FAM76A: variants seen among roughly 807,000 people sequenced by gnomAD.
The protein encoded by FAM76A is protein FAM76A.
FAM76A carries 32 observed loss-of-function variants against 46.2 expected under a neutral mutation model. The observed-to-expected ratio is 0.69, with a 90% confidence interval of 0.52 to 0.93. FAM76A has a LOEUF of 0.93. Ranked by LOEUF, FAM76A falls within the 40% of genes least tolerant of loss-of-function variation. The pLI is 0.00. For synonymous variants in FAM76A, 137 were observed against 127.0 expected (o/e 1.08, Z -0.53); for missense variants, 274 against 361.5 (o/e 0.76, Z 1.96).
intron 4 of FAM76A, chr1:27,739,848 A>G (rs1386103716): frequency 1.1e-5 from 2 of 180,370 alleles, no homozygotes; most frequent in Non-Finnish European, 2.3e-5. Context: ...GTTAAAAAAA[A>G]TAGGCTATGG....
At chr1:27,737,695 T>C (rs1363645731) in intron 4 of FAM76A, among the ~76,000 whole-genome samples, 1 of 151,538 alleles carries the variant, frequency 6.6e-6, no homozygotes, top group Non-Finnish European at 1.5e-5. Context: ...CTACAAAAAA[T>C]ACAAAAATTA....
At chr1:27,729,586 A>C (rs954255720) in intron 2 of FAM76A, among the ~76,000 whole-genome samples, 1 of 152,088 alleles carries the variant, frequency 6.6e-6, no homozygotes, top group Non-Finnish European at 1.5e-5. Context: ...CTTAAATTCT[A>C]TCATATACAC....
At chr1:27,731,265 G>A (rs566050933) in intron 2 of FAM76A, among the ~76,000 whole-genome samples, 6 of 145,086 alleles carry the variant, frequency 4.1e-5, no homozygotes, top group Non-Finnish European at 8.9e-5. Flanking sequence ...GTGCAATGGC[G>A]CAATCTTGGC....
chr1:27,762,194 C>T lies in FAM76A; in HGVS notation c.*1613C>T, dbSNP rs531000445. On this transcript the variant is annotated 3_prime_UTR_variant, in exon 9 of 9. Coordinates refer to ENST00000373954, the MANE Select transcript of FAM76A (RefSeq NM_152660.3). Reference sequence around the variant, plus strand: ...CCAGAGTTATGTATGCCCTGCCTATCTTCCCTTCTTAACCCTGTAGGAATA... The same window carrying T: ...CCAGAGTTATGTATGCCCTGCCTATTTTCCCTTCTTAACCCTGTAGGAATA... 2.6e-5 allele frequency: 4 copies of T among 152,266 alleles called. No homozygotes were observed. Among genetic ancestry groups the T allele is most frequent in the Admixed American group, 1.3e-4 (2 of 15,282 alleles). The allele number at this position is 152,266 out of a possible 1,614,324, so 9.4% of individuals were successfully genotyped here.
chr1:27,756,133 G>T (rs1028205193), intron 7 of FAM76A, among the ~76,000 whole-genome samples: 1 of 152,154 alleles, frequency 6.6e-6, no homozygotes, highest in Non-Finnish European at 1.5e-5. Context: ...GGCCATGTCT[G>T]TGGGACAATA....
chr1:27,758,787 G>A (rs1193466763), intron 7 of FAM76A, among the ~76,000 whole-genome samples: 3 of 151,354 alleles, frequency 2.0e-5, no homozygotes, highest in Non-Finnish European at 4.4e-5. Flanking sequence ...CAAAGTGCTG[G>A]GATTACAGGC....
At chr1:27,758,679 G>GT (rs35065746) in intron 7 of FAM76A, among the ~76,000 whole-genome samples, 6,985 of 111,246 alleles carry the variant, frequency 0.063, 513 homozygotes, top group African/African-American at 0.15. Flanking sequence ...TTTAATTTTC[G>GT]TTTTTTTTTT....
chr1:27,749,934 C>G (rs1317279226), intron 6 of FAM76A, among the ~76,000 whole-genome samples: 1 of 152,160 alleles, frequency 6.6e-6, no homozygotes, highest in East Asian at 1.9e-4. Context: ...TTTCCTCTCC[C>G]CTCCTCAGTG....
At chr1:27,740,581 A>G (rs1469697242) in intron 4 of FAM76A, 2 of 953,680 alleles carry the variant, frequency 2.1e-6, no homozygotes, top group Non-Finnish European at 3.3e-6. Context: ...TTGACTTGTT[A>G]AGAAATATAT....
intron 4 of FAM76A, chr1:27,739,151 CA>C: frequency 5.4e-6 from 2 of 368,130 alleles, no homozygotes; most frequent in Non-Finnish European, 1.1e-5. Context: ...GCCACAATGA[CA>C]AGACCATTTT....
intron 5 of FAM76A, 70 bp downstream of exon 5, chr1:27,744,881 A>G (rs542608745): frequency 4.3e-4 from 630 of 1,455,452 alleles, no homozygotes; most frequent in Non-Finnish European, 5.4e-4. Context: ...CATAACCATC[A>G]TGGTACATAC....
At chr1:27,756,116 T>G (rs1185664299) in intron 7 of FAM76A, among the ~76,000 whole-genome samples, 1 of 152,146 alleles carries the variant, frequency 6.6e-6, no homozygotes, top group Non-Finnish European at 1.5e-5. Context: ...TCTCTTCTCA[T>G]GGGGATGGCC....
intron 7 of FAM76A, 56 bp downstream of exon 7, chr1:27,755,386 T>C: frequency 6.3e-7 from 1 of 1,598,872 alleles, no homozygotes; most frequent in Non-Finnish European, 8.6e-7. Context: ...AGATATGTGG[T>C]ATGGGACATG....
chr1:27,726,100 G>A lies in FAM76A; in HGVS notation c.20G>A (p.Cys7Tyr). The change falls in exon 1 of 9, where the codon TGC becomes TAC. Residue 7 changes from cysteine (C) to tyrosine (Y), a missense_variant. By Grantham distance (194) the Cys-to-Tyr change is radical. Transcript: ENST00000373954. ...CCGGACATGGCGGCGCTCTACGCCT[G>A]CACCAAGTGCCACCAGCGCTTCCCC... MAALYA[C>Y]TKCHQRFPFE... 2 of 1,294,194 alleles carry A rather than the reference G, an allele frequency of 1.5e-6. No individual in the cohort carries two copies. Among genetic ancestry groups the A allele is most frequent in the East Asian group, 3.1e-5 (1 of 31,920 alleles). 80.2% of individuals were successfully genotyped at this position (1,294,194 alleles called of 1,614,324 possible).
At chr1:27,740,542 TATG>T (rs2088133822) in intron 4 of FAM76A, 9 of 1,276,062 alleles carry the variant, frequency 7.1e-6, no homozygotes, top group Non-Finnish European at 1.0e-5. Flanking sequence ...GAAGCGTTGT[TATG>T]AGGAGTGAGG....
intron 2 of FAM76A, 26 bp from the exon 3 acceptor site, chr1:27,732,577 G>A: frequency 1.3e-6 from 2 of 1,595,564 alleles, no homozygotes; most frequent in Non-Finnish European, 8.6e-7. Context: ...TCTAAGAAAA[G>A]CCTGTGTCTC....
At chr1:27,758,512 A>AT (rs1223112115) in intron 7 of FAM76A, among the ~76,000 whole-genome samples, 1 of 151,554 alleles carries the variant, frequency 6.6e-6, no homozygotes, top group Non-Finnish European at 1.5e-5. Context: ...TATTATTTTT[A>AT]TTTTTTTGAG....
chr1:27,733,844 A>G (rs2087998972), intron 3 of FAM76A, among the ~76,000 whole-genome samples, 187 bp from the exon 4 acceptor site: 1 of 152,004 alleles, frequency 6.6e-6, no homozygotes, highest in South Asian at 2.1e-4. Flanking sequence ...AGCGAGACTC[A>G]AAAAACAAAA....
At chr1:27,734,271 G>C in intron 4 of FAM76A, 88 bp downstream of exon 4, 1 of 1,382,290 alleles carries the variant, frequency 7.2e-7, no homozygotes, top group Non-Finnish European at 9.7e-7. Context: ...TAATAGGCCG[G>C]GCGTGGTGGC....
Sources: gnomAD v4.1 joint callset for allele counts (sites outside exome capture counted in the v4.1 genomes callset) on GRCh38, gnomAD v4.1.1 for gene constraint, MANE v1.5 for transcripts, NCBI Gene and HGNC (gene_info 2026-07-23, HGNC 2026-07-21) for gene names.